Variants in NUP62CL observed in about 807,000 individuals in gnomAD.
NUP62CL encodes nucleoporin 62 C-terminal like.
NUP62CL carries 13 observed loss-of-function variants against 15.3 expected under a neutral mutation model. That is an observed-to-expected ratio of 0.85 (90% confidence interval 0.55 to 1.35). NUP62CL has a LOEUF of 1.35. Ranked by LOEUF, NUP62CL falls within the 40% of genes most tolerant of loss-of-function variation. The probability of loss-of-function intolerance (pLI) is 0.00; values close to 1 mark genes in which losing one functional copy is unlikely to be tolerated. For missense variants in NUP62CL, 123 were observed against 130.6 expected, an observed-to-expected ratio of 0.94 and a Z score of 0.28; for synonymous variants, 54 against 49.2, an observed-to-expected ratio of 1.10 and a Z score of -0.41.
chrX:107,160,947 C>T (rs1437461835), intron 4 of NUP62CL, among the ~76,000 whole-genome samples: 2 of 109,764 alleles, frequency 1.8e-5, no homozygotes, highest in African/African-American at 6.6e-5. Flanking sequence ...AAAAAACAAA[C>T]AACCCCATCA....
At chrX:107,198,066 G>A (rs1654626333) in intron 1 of NUP62CL, among the ~76,000 whole-genome samples, 1 of 111,725 alleles carries the variant, frequency 9.0e-6, no homozygotes, top group Non-Finnish European at 1.9e-5. Context: ...CTAATCAGGT[G>A]GGGACCTGGA....
At chrX:107,145,648 T>G (rs1161537321) in intron 8 of NUP62CL, among the ~76,000 whole-genome samples, 1 of 111,491 alleles carries the variant, frequency 9.0e-6, no homozygotes, top group East Asian at 2.8e-4. Context: ...AACTATCACA[T>G]CTAGTAAAAT....
chrX:107,182,239 G>A (rs1777498), intron 2 of NUP62CL, among the ~76,000 whole-genome samples: 6,233 of 111,911 alleles, frequency 0.056, 425 homozygotes, highest in African/African-American at 0.19. Context: ...TCTTTGCTGT[G>A]GGGGACTGAA....
At chrX:107,168,433 T>C (rs12156824) in intron 3 of NUP62CL, among the ~76,000 whole-genome samples, 7 of 111,923 alleles carry the variant, frequency 6.3e-5, no homozygotes, top group African/African-American at 2.3e-4. Flanking sequence ...ATATGTCTTT[T>C]TCTGTTACAC....
At chrX:107,183,024 C>T (rs1426322219) in intron 2 of NUP62CL, among the ~76,000 whole-genome samples, 1 of 110,842 alleles carries the variant, frequency 9.0e-6, no homozygotes, top group African/African-American at 3.3e-5. Context: ...ATAGCAAGAC[C>T]CTGTCTTAAA....
intron 4 of NUP62CL, among the ~76,000 whole-genome samples, chrX:107,166,758 T>C (rs1926524251): frequency 9.0e-6 from 1 of 111,379 alleles, no homozygotes; most frequent in African/African-American, 3.3e-5. Context: ...AACAAACTGT[T>C]GATGCACACG....
intron 4 of NUP62CL, among the ~76,000 whole-genome samples, chrX:107,162,008 A>G (rs771142435): frequency 2.6e-4 from 29 of 109,620 alleles, no homozygotes; most frequent in Middle Eastern, 9.3e-3. Flanking sequence ...ACAAATGAAA[A>G]AAACAGAAAA....
chrX:107,185,566 A>G (rs1247734839), intron 2 of NUP62CL, among the ~76,000 whole-genome samples: 1 of 111,418 alleles, frequency 9.0e-6, no homozygotes, highest in Non-Finnish European at 1.9e-5. Context: ...TATGATATCT[A>G]GAGTGACCGT....
chrX:107,171,711 T>C (rs1926654617), intron 3 of NUP62CL, among the ~76,000 whole-genome samples: 1 of 111,085 alleles, frequency 9.0e-6, no homozygotes, highest in Non-Finnish European at 1.9e-5. Context: ...GGTGAGGACA[T>C]AGCCAAACCA....
intron 1 of NUP62CL, among the ~76,000 whole-genome samples, chrX:107,204,659 G>C (rs1179678064): frequency 1.9e-5 from 2 of 107,120 alleles, no homozygotes; most frequent in Non-Finnish European, 3.8e-5. Flanking sequence ...AATTTCTGGA[G>C]GGAGCCAGGG....
Position 107,188,568 on chromosome X carries a change from A to T in NUP62CL, c.-48+4461T>A, listed in dbSNP as rs1019996676. ...ACCGAATGTTTTCCCCCTAAGATCA[A>T]TAACAAGGCAACTTGCTCTCACCAC... is the stretch of plus-strand genomic sequence containing the variant. On this transcript the variant is annotated intron_variant, in intron 2 of 8. Coordinates refer to ENST00000372466, the MANE Select transcript of NUP62CL (RefSeq NM_017681.3). Among the ~76,000 whole-genome samples, 10 of 111,546 alleles carry T rather than the reference A, an allele frequency of 9.0e-5. No homozygotes were observed. The East Asian group carries it at 2.8e-3, about 31-fold the overall frequency.
chrX:107,175,259 T>C (rs1262425352), intron 2 of NUP62CL, 66 bp from the exon 3 acceptor site: 3 of 538,376 alleles, frequency 5.6e-6, no homozygotes, highest in Non-Finnish European at 9.5e-6. Flanking sequence ...TAAAACAACA[T>C]TATGACAAGG....
At chrX:107,203,608 T>C (rs1320081007) in intron 1 of NUP62CL, among the ~76,000 whole-genome samples, 6 of 111,269 alleles carry the variant, frequency 5.4e-5, no homozygotes, top group Non-Finnish European at 9.4e-5. Context: ...TTAGGCTAAG[T>C]AAATTACAGC....
intron 4 of NUP62CL, among the ~76,000 whole-genome samples, chrX:107,164,832 G>A (rs778897797): frequency 7.9e-5 from 9 of 113,212 alleles, no homozygotes; most frequent in Non-Finnish European, 1.5e-4. Context: ...TGGGCGCAGT[G>A]GCTCACGCCT....
intron 3 of NUP62CL, among the ~76,000 whole-genome samples, chrX:107,170,486 C>T (rs1314749353): frequency 2.8e-5 from 3 of 106,385 alleles, no homozygotes; most frequent in Non-Finnish European, 3.9e-5. Context: ...AATCTTGGCT[C>T]ACTGCAACCT....
chrX:107,132,622 A>G (rs1402801741), intron 8 of NUP62CL, among the ~76,000 whole-genome samples: 1 of 111,303 alleles, frequency 9.0e-6, no homozygotes, highest in Non-Finnish European at 1.9e-5. Flanking sequence ...TTAGCTGGAC[A>G]TAGTGTCGTA....
intron 8 of NUP62CL, among the ~76,000 whole-genome samples, chrX:107,138,115 T>C (rs1170272518): frequency 9.0e-6 from 1 of 111,109 alleles, no homozygotes; most frequent in Non-Finnish European, 1.9e-5. Context: ...TGGATATTTG[T>C]AGGAAAAAAA....
chrX:107,150,343 C>T (rs1925979732), intron 7 of NUP62CL, among the ~76,000 whole-genome samples: 1 of 111,956 alleles, frequency 8.9e-6, no homozygotes, highest in Non-Finnish European at 1.9e-5. Flanking sequence ...GTAATATTTT[C>T]ACCTTCCTGG....
At chrX:107,167,399 CA>C (rs890813373) in intron 4 of NUP62CL, among the ~76,000 whole-genome samples, 3 of 111,832 alleles carry the variant, frequency 2.7e-5, no homozygotes, top group Non-Finnish European at 5.7e-5. Flanking sequence ...AGATTACATA[CA>C]CAGTAATTGC....
Sources: allele counts gnomAD v4.1 joint callset (sites outside exome capture counted in the v4.1 genomes callset), GRCh38; gene constraint gnomAD v4.1.1; transcripts MANE v1.5; gene names NCBI Gene and HGNC (gene_info 2026-07-23, HGNC 2026-07-21).